Variants in PDS5A observed in about 807,000 individuals in gnomAD.
PDS5A encodes the protein sister chromatid cohesion protein PDS5 homolog A.
A neutral mutation model predicts 167.1 loss-of-function variants in PDS5A; 42 were observed. The ratio of observed to expected loss-of-function variants is 0.25; its 90% CI spans 0.20 to 0.33. The LOEUF is 0.33. Among genes scored for constraint, PDS5A ranks in the 10% least tolerant of loss-of-function variants. The pLI, the probability that PDS5A is intolerant of heterozygous loss-of-function variation, is 1.00. For missense variants in PDS5A, 1,033 were observed against 1,605.9 expected, an observed-to-expected ratio of 0.64 and a Z score of 6.10; for synonymous variants, 553 against 554.6, an observed-to-expected ratio of 1.00 and a Z score of 0.04.
At chr4:39,957,292 G>A (rs1729012666) in intron 2 of PDS5A, among the ~76,000 whole-genome samples, 1 of 152,164 alleles carries the variant, frequency 6.6e-6, no homozygotes, top group African/African-American at 2.4e-5. Context: ...ACTCCAGCCT[G>A]GGGGACAAGG....
intron 2 of PDS5A, chr4:39,974,425 T>C (rs1437462075): frequency 6.3e-6 from 2 of 319,150 alleles, no homozygotes; most frequent in Non-Finnish European, 6.1e-6. Flanking sequence ...TAACGATCCA[T>C]CAATTGTTTA....
chr4:39,849,609 T>G lies in PDS5A; in HGVS notation c.3130A>C (p.Asn1044His). The part of the protein sequence containing the change: ...MLEVLMTKNE[N>H]NSHAFMKKMA... ...TTCTTCATAAAGGCATGGCTATTGT[T>G]TTCATTCTTTGTCATTAAAACTTCA... Residue 1044 changes from asparagine to histidine, a missense_variant, in exon 27 of 33, where the codon AAC becomes CAC. Around this residue, in one of 4 missense-constraint regions of PDS5A, gnomAD observed 367 missense variants for 686.7 expected, o/e 0.53. Coordinates refer to ENST00000303538, the MANE Select transcript of PDS5A (RefSeq NM_001100399.2). The G allele has an allele frequency of 6.2e-7, 1 of 1,610,820 alleles. No homozygotes were observed. The highest frequency in any genetic ancestry group is 1.3e-5 in the African/African-American group (1 of 74,972).
intron 2 of PDS5A, among the ~76,000 whole-genome samples, chr4:39,971,632 G>A (rs191882689): frequency 3.3e-5 from 5 of 151,838 alleles, no homozygotes; most frequent in African/African-American, 1.2e-4. Context: ...GCTAATTTTT[G>A]TATTTTTAGT....
At chr4:39,878,246 C>A (rs577877791) in intron 18 of PDS5A, among the ~76,000 whole-genome samples, 3 of 152,062 alleles carry the variant, frequency 2.0e-5, no homozygotes, top group South Asian at 4.2e-4. Context: ...TATTTACTTA[C>A]GTGGTTTTAA....
chr4:39,905,877 A>G (rs1427293189), intron 11 of PDS5A, among the ~76,000 whole-genome samples: 2 of 152,090 alleles, frequency 1.3e-5, no homozygotes, highest in African/African-American at 4.8e-5. Flanking sequence ...GAAAGGAGGC[A>G]GGGAGAAAGG....
intron 30 of PDS5A, among the ~76,000 whole-genome samples, chr4:39,842,905 A>ATT (rs1158391867): frequency 1.2e-4 from 9 of 72,832 alleles, no homozygotes; most frequent in East Asian, 8.6e-4. Flanking sequence ...AACTTATCCT[A>ATT]TTTTTATATA....
chr4:39,966,474 G>T (rs1013857757), intron 2 of PDS5A, among the ~76,000 whole-genome samples: 3 of 152,110 alleles, frequency 2.0e-5, no homozygotes, highest in Non-Finnish European at 4.4e-5. Flanking sequence ...GGCCAGATGA[G>T]AATGGTTGAT....
At chr4:39,833,740 C>T (rs1354216488) in intron 32 of PDS5A, among the ~76,000 whole-genome samples, 1 of 152,046 alleles carries the variant, frequency 6.6e-6, no homozygotes, top group East Asian at 1.9e-4. Context: ...TCATGCCCTC[C>T]ACATCAATTT....
At chr4:39,963,352 A>G (rs565578963) in intron 2 of PDS5A, among the ~76,000 whole-genome samples, 1 of 151,308 alleles carries the variant, frequency 6.6e-6, no homozygotes, top group African/African-American at 2.4e-5. Flanking sequence ...CCAGCTACTC[A>G]GGGGGCTGAG....
At chr4:39,880,374 A>G (rs1235172346) in intron 17 of PDS5A, among the ~76,000 whole-genome samples, 2 of 152,308 alleles carry the variant, frequency 1.3e-5, no homozygotes, top group Admixed American at 6.5e-5. Context: ...AAATTAAGGA[A>G]TTAGTTTTTC....
At chr4:39,879,895 C>T in intron 17 of PDS5A, 62 bp from the exon 18 acceptor site, 1 of 959,710 alleles carries the variant, frequency 1.0e-6, no homozygotes, top group Non-Finnish European at 1.7e-6. Context: ...CCTAATCACA[C>T]TGTGACAGAA....
intron 2 of PDS5A, among the ~76,000 whole-genome samples, chr4:39,940,766 C>T (rs1417629682): frequency 2.0e-5 from 3 of 152,266 alleles, no homozygotes; most frequent in Admixed American, 2.0e-4. Flanking sequence ...GATCCTCCCA[C>T]TTCAGCCTCC....
intron 2 of PDS5A, chr4:39,974,174 C>A: frequency 1.7e-6 from 1 of 576,888 alleles, no homozygotes; most frequent in Non-Finnish European, 3.4e-6. Context: ...AACTGCTCTA[C>A]TGAGACCAAG....
At chr4:39,873,949 C>G (rs905245370) in intron 20 of PDS5A, among the ~76,000 whole-genome samples, 2 of 152,118 alleles carry the variant, frequency 1.3e-5, no homozygotes, top group African/African-American at 2.4e-5. Flanking sequence ...GAGGCTGAGG[C>G]AGAAGGACTG....
chr4:39,914,162 G>GTTT (rs34732453), intron 8 of PDS5A, among the ~76,000 whole-genome samples: 22 of 64,094 alleles, frequency 3.4e-4, no homozygotes, highest in African/African-American at 4.6e-4. Context: ...ATACAAATTT[G>GTTT]TTTTTTTTTT....
intron 2 of PDS5A, among the ~76,000 whole-genome samples, chr4:39,958,941 A>G (rs1039535955): frequency 1.1e-4 from 17 of 152,188 alleles, no homozygotes; most frequent in Admixed American, 6.6e-5. Context: ...CACACCAAAC[A>G]TGCTTCTGCC....
At chr4:39,882,932 G>A (rs1721085202) in intron 17 of PDS5A, among the ~76,000 whole-genome samples, 1 of 152,068 alleles carries the variant, frequency 6.6e-6, no homozygotes, top group East Asian at 1.9e-4. Context: ...CATTCTAAAC[G>A]AAGTCTAAAT....
intron 17 of PDS5A, among the ~76,000 whole-genome samples, chr4:39,885,639 G>A (rs576797779): frequency 9.9e-5 from 15 of 152,178 alleles, no homozygotes; most frequent in East Asian, 1.9e-4. Flanking sequence ...AAAGGGCTGC[G>A]TATAGTGGCT....
intron 32 of PDS5A, among the ~76,000 whole-genome samples, chr4:39,826,675 C>T (rs994908210): frequency 4.0e-5 from 6 of 151,708 alleles, no homozygotes; most frequent in Admixed American, 6.6e-5. Context: ...TTAGTAGAGA[C>T]GGTGTTTCAC....
Sources: allele counts gnomAD v4.1 joint callset (sites outside exome capture counted in the v4.1 genomes callset), GRCh38; gene constraint gnomAD v4.1.1; regional missense constraint gnomAD v4.1.1; transcripts MANE v1.5; gene names NCBI Gene and HGNC (gene_info 2026-07-23, HGNC 2026-07-21).